PEAK1: variants seen among roughly 807,000 people sequenced by gnomAD.
PEAK1 encodes the protein inactive tyrosine-protein kinase PEAK1.
In PEAK1, 54 loss-of-function variants were observed where a neutral mutation model predicts 124.7. That is an observed-to-expected ratio of 0.43 (90% CI 0.35 to 0.54). PEAK1 has a LOEUF of 0.54. Ranked by LOEUF, PEAK1 falls within the 20% of genes least tolerant of loss-of-function variation. The pLI is 0.01. For synonymous variants in PEAK1, 719 were observed against 760.0 expected, an observed-to-expected ratio of 0.95 and a Z score of 0.89; for missense variants, 2,046 against 2,134.5, an observed-to-expected ratio of 0.96 and a Z score of 0.82.
At chr15:77,308,611 T>C (rs1311507912) in intron 2 of PEAK1, among the ~76,000 whole-genome samples, 3 of 152,120 alleles carry the variant, frequency 2.0e-5, no homozygotes, top group Non-Finnish European at 4.4e-5. Flanking sequence ...GATATTTCAT[T>C]ACTTTTCTGA....
intron 6 of PEAK1, among the ~76,000 whole-genome samples, chr15:77,197,431 C>A (rs2058161349): frequency 6.6e-6 from 1 of 152,070 alleles, no homozygotes; most frequent in Non-Finnish European, 1.5e-5. Flanking sequence ...TCCAAAATAG[C>A]AAGAACATAT....
In PEAK1 at chr15:77,144,734, A is replaced by G. The variant is rs2054048434; in HGVS notation, c.3332-10984T>C. 1.3e-5 allele frequency among the ~76,000 whole-genome samples: 2 copies of G among 152,226 alleles called. 1 individual carries two copies. The highest frequency in any genetic ancestry group is 1.3e-4 in the Admixed American group (2 of 15,284). On this transcript the variant is annotated intron_variant, in intron 8 of 9. Transcript: ENST00000682557. ...CCAAATGAAACCACAAACATTCCAC[A>G]GCCCATGCAAGTAGGTCAAGCCATT...
At chr15:77,418,990 A>T (rs2073120166) in intron 1 of PEAK1, 1 of 985,100 alleles carries the variant, frequency 1.0e-6, no homozygotes, top group African/African-American at 1.7e-5. Context: ...TCAACGTATG[A>T]TCTTACCACA....
intron 1 of PEAK1, among the ~76,000 whole-genome samples, chr15:77,374,234 G>C (rs1229622518): frequency 6.6e-6 from 1 of 152,114 alleles, no homozygotes; most frequent in Non-Finnish European, 1.5e-5. Context: ...AGAATGAGAA[G>C]AGTCAGTTAA....
chr15:77,116,599 G>A (rs2051386496), intron 9 of PEAK1, among the ~76,000 whole-genome samples: 1 of 151,728 alleles, frequency 6.6e-6, no homozygotes, highest in Middle Eastern at 3.4e-3. Flanking sequence ...AGTCTCAGCG[G>A]AGAAAAGCAT....
chr15:77,242,782 CA>C (rs1390692717), intron 6 of PEAK1, among the ~76,000 whole-genome samples: 1 of 152,162 alleles, frequency 6.6e-6, no homozygotes, highest in East Asian at 1.9e-4. Flanking sequence ...TCCATATCCT[CA>C]AAATCCATGT....
At chr15:77,336,519 T>C (rs1009200789) in intron 2 of PEAK1, 16 of 985,328 alleles carry the variant, frequency 1.6e-5, no homozygotes, top group Non-Finnish European at 1.9e-5. Context: ...AGTTGCTTGT[T>C]GCTTGTTGCC....
intron 6 of PEAK1, among the ~76,000 whole-genome samples, chr15:77,219,206 T>C (rs193013875): frequency 1.8e-3 from 276 of 151,864 alleles, no homozygotes; most frequent in Non-Finnish European, 3.1e-3. Context: ...GAAGTGCAGG[T>C]GGGAGGTAAT....
At chr15:77,281,673 T>C (rs1567207599) in intron 5 of PEAK1, among the ~76,000 whole-genome samples, 1 of 152,154 alleles carries the variant, frequency 6.6e-6, no homozygotes, top group East Asian at 1.9e-4. Context: ...CTCTCAATTT[T>C]GTACAGGAGA....
chr15:77,253,700 C>T (rs543807995), intron 5 of PEAK1, among the ~76,000 whole-genome samples: 9 of 152,102 alleles, frequency 5.9e-5, no homozygotes, highest in Admixed American at 1.3e-4. Context: ...TTACTAATGT[C>T]ATTCCATAAT....
intron 2 of PEAK1, chr15:77,348,813 G>GGGGGGGGC: frequency 2.7e-6 from 1 of 371,966 alleles, no homozygotes; most frequent in Non-Finnish European, 3.6e-6. Context: ...GAGGGGGCGG[G>GGGGGGGGC]CAGGTGGGGG....
At chr15:77,242,505 G>GT (rs2060403885) in intron 6 of PEAK1, among the ~76,000 whole-genome samples, 1 of 152,088 alleles carries the variant, frequency 6.6e-6, no homozygotes, top group African/African-American at 2.4e-5. Context: ...TTGAGGAAAT[G>GT]TAACAGGAGA....
chr15:77,182,157 C>CTTTTCCTTAAAT, intron 6 of PEAK1, 117 bp from the exon 7 acceptor site: 1 of 951,384 alleles, frequency 1.1e-6, no homozygotes, highest in Non-Finnish European at 1.4e-6. Flanking sequence ...AATTAAAAGA[C>CTTTTCCTTAAAT]TGAGAGCTAA....
In PEAK1 at chr15:77,114,794, C is replaced by T. The variant is rs2051207776; in HGVS notation, c.4603G>A (p.Gly1535Ser). ...GGGCTGGGCTCTGCAGGCCCAAAGCCTTGGGCAGTCCCCCCAGGCTGGTAG... is the reference window on the plus strand; with the variant it reads ...GGGCTGGGCTCTGCAGGCCCAAAGCTTTGGGCAGTCCCCCCAGGCTGGTAG... Reference protein sequence around the residue: ...VHYQPGGTAQGFGPAEPSPTS... With the variant: ...VHYQPGGTAQSFGPAEPSPTS... Residue 1535 changes from glycine (G) to serine (S), a missense_variant, in exon 10 of 10, where the codon GGC becomes AGC. Coordinates refer to ENST00000682557, the MANE Select transcript of PEAK1 (RefSeq NM_001385026.1). The T allele has an allele frequency of 3.7e-6, 6 of 1,613,074 alleles. No homozygotes were observed. In the South Asian group the frequency reaches 6.6e-5, roughly 18 times the overall value.
chr15:77,178,502 G>A (rs1484001545), intron 7 of PEAK1: 3 of 406,866 alleles, frequency 7.4e-6, no homozygotes, highest in Non-Finnish European at 1.3e-5. Flanking sequence ...ATTATTTATT[G>A]CTATTAAGGT....
chr15:77,106,398 C>T (rs1473366476), downstream of PEAK1: 1 of 152,174 alleles, frequency 6.6e-6, no homozygotes. Flanking sequence ...GAGTCTTGTT[C>T]TGTCACCCAG....
intron 6 of PEAK1, among the ~76,000 whole-genome samples, chr15:77,222,602 A>C (rs1054114479): frequency 6.6e-6 from 1 of 151,956 alleles, no homozygotes; most frequent in African/African-American, 2.4e-5. Flanking sequence ...ATGATAGTTA[A>C]GTGGGAAAAT....
chr15:77,302,653 T>A (rs1001951645), intron 2 of PEAK1, among the ~76,000 whole-genome samples: 2 of 152,166 alleles, frequency 1.3e-5, no homozygotes, highest in African/African-American at 4.8e-5. Flanking sequence ...TTTCCAAAGT[T>A]ACTTAGATTA....
intron 2 of PEAK1, among the ~76,000 whole-genome samples, chr15:77,313,694 A>ATGTG (rs1178862106): frequency 1.3e-5 from 1 of 77,374 alleles, no homozygotes; most frequent in Non-Finnish European, 2.5e-5. Flanking sequence ...GTGTGTGTGT[A>ATGTG]TATATATATA....
Sources: allele counts gnomAD v4.1 joint callset (sites outside exome capture counted in the v4.1 genomes callset), GRCh38; gene constraint gnomAD v4.1.1; transcripts MANE v1.5; gene names NCBI Gene and HGNC (gene_info 2026-07-23, HGNC 2026-07-21).